Variants in MAN1C1 observed in about 807,000 individuals in gnomAD.
MAN1C1 encodes mannosyl-oligosaccharide 1,2-alpha-mannosidase IC.
Under a neutral mutation model 71.5 loss-of-function variants are expected in MAN1C1, and 49 were observed. The observed-to-expected ratio is 0.69, with a 90% confidence interval of 0.54 to 0.87. The LOEUF is 0.87. Ranked by LOEUF, MAN1C1 falls within the 40% of genes least tolerant of loss-of-function variation. MAN1C1 has a pLI of 0.00. For missense variants in MAN1C1, 743 were observed against 835.0 expected (o/e 0.89, Z 1.36); for synonymous variants, 352 against 343.7 (o/e 1.02, Z -0.27).
chr1:25,644,115 A>T (rs2045576440), intron 1 of MAN1C1, among the ~76,000 whole-genome samples: 1 of 152,132 alleles, frequency 6.6e-6, no homozygotes, highest in African/African-American at 2.4e-5. Context: ...CACCATGGAG[A>T]TGCTAGATAA....
rs560703749 is a variant in MAN1C1 at position 25,651,590 on chromosome 1, A to G, written c.540+33253A>G. On this transcript the variant is annotated intron_variant, in intron 1 of 11. Coordinates refer to ENST00000374332, the MANE Select transcript of MAN1C1 (RefSeq NM_020379.4). ...CCCAAGATGAAAATCCTTTTCTTAG[A>G]GGAAAATGCTGTCTGCAGGGAGAGA... 9.2e-5 allele frequency among the ~76,000 whole-genome samples: 14 copies of G among 152,286 alleles called. No homozygotes were observed. In the East Asian group the frequency reaches 2.7e-3, roughly 29 times the overall value.
chr1:25,632,435 A>G (rs190617301), intron 1 of MAN1C1, among the ~76,000 whole-genome samples: 1 of 152,088 alleles, frequency 6.6e-6, no homozygotes, highest in East Asian at 1.9e-4. Context: ...AATTTTGTTT[A>G]TCTTTTCAAA....
Position 25,746,858 on chromosome 1 carries a change from C to A in MAN1C1, c.753+75C>A. ...CCAACAGCCAGCTTCACCCTGTCAT[C>A]TCTGAGACCCAGAGATGTTGAGGGT... On this transcript the variant is annotated intron_variant, in intron 3 of 11. Coordinates refer to ENST00000374332, the MANE Select transcript of MAN1C1 (RefSeq NM_020379.4). The surrounding 1 kb of genome is among the most constrained non-coding windows in gnomAD (Gnocchi z 4.0). 2.0e-6 allele frequency: 2 copies of A among 991,036 alleles called. No individual in the cohort carries two copies. The highest frequency in any genetic ancestry group is 3.0e-6 in the Non-Finnish European group (2 of 657,726). 61.4% of individuals were successfully genotyped at this position (991,036 alleles called of 1,614,324 possible).
At chr1:25,670,802 G>T (rs1207695161) in intron 1 of MAN1C1, among the ~76,000 whole-genome samples, 2 of 152,200 alleles carry the variant, frequency 1.3e-5, no homozygotes, top group Non-Finnish European at 2.9e-5. Flanking sequence ...CTCTGAGGGT[G>T]GTTGGGTAAG....
At chr1:25,751,078 C>T (rs1235425523) in intron 4 of MAN1C1, among the ~76,000 whole-genome samples, 1 of 151,426 alleles carries the variant, frequency 6.6e-6, no homozygotes, top group Non-Finnish European at 1.5e-5. Flanking sequence ...TTCCCTCCCC[C>T]GTTTCCATCC....
intron 1 of MAN1C1, among the ~76,000 whole-genome samples, chr1:25,643,081 C>G (rs1328110260): frequency 6.6e-6 from 1 of 152,064 alleles, no homozygotes; most frequent in Admixed American, 6.6e-5. Flanking sequence ...TGAGACATTT[C>G]TGCATGGGTC....
At chr1:25,733,380 C>G (rs562297830) in intron 2 of MAN1C1, among the ~76,000 whole-genome samples, 5 of 152,140 alleles carry the variant, frequency 3.3e-5, no homozygotes, top group Non-Finnish European at 7.4e-5. Context: ...CCTCCACCCC[C>G]TCACTGCCCA....
At chr1:25,697,434 A>G (rs551754725) in intron 2 of MAN1C1, among the ~76,000 whole-genome samples, 27 of 152,228 alleles carry the variant, frequency 1.8e-4, no homozygotes, top group African/African-American at 6.3e-4. Flanking sequence ...CCCACATTTT[A>G]TTTGTCCATT....
chr1:25,625,283 G>A (rs2045277256), intron 1 of MAN1C1, among the ~76,000 whole-genome samples: 1 of 152,082 alleles, frequency 6.6e-6, no homozygotes, highest in Non-Finnish European at 1.5e-5. Flanking sequence ...GGGATTACAG[G>A]TGTGAGCCGC....
intron 2 of MAN1C1, among the ~76,000 whole-genome samples, chr1:25,704,466 G>A (rs1186800893): frequency 6.6e-6 from 1 of 152,238 alleles, no homozygotes; most frequent in Non-Finnish European, 1.5e-5. Flanking sequence ...AAGCAGTAGC[G>A]ACATCTGGGC....
intron 1 of MAN1C1, among the ~76,000 whole-genome samples, chr1:25,656,974 C>T (rs2045777604): frequency 1.3e-5 from 2 of 152,206 alleles, no homozygotes; most frequent in South Asian, 4.1e-4. Flanking sequence ...TACAGGCACC[C>T]GCCACCATGT....
At chr1:25,669,083 G>T (rs1318449089) in intron 1 of MAN1C1, among the ~76,000 whole-genome samples, 2 of 152,338 alleles carry the variant, frequency 1.3e-5, no homozygotes, top group African/African-American at 4.8e-5. Flanking sequence ...GGAATTTTGT[G>T]AAGATTTTGA....
chr1:25,628,305 T>G (rs1402121794), intron 1 of MAN1C1, among the ~76,000 whole-genome samples: 1 of 152,012 alleles, frequency 6.6e-6, no homozygotes, highest in Non-Finnish European at 1.5e-5. Context: ...AAAATTTCAT[T>G]TATTTTTATT....
rs186599734 is a variant in MAN1C1 at position 25,730,001 on chromosome 1, G to C, written c.638-16667G>C. Among the ~76,000 whole-genome samples, 3 of 152,274 alleles carry C rather than the reference G, an allele frequency of 2.0e-5. No individual in the cohort carries two copies. The highest frequency in any genetic ancestry group is 4.8e-5 in the African/African-American group (2 of 41,548). ...CTTCATAATCATTCATTTACTTGCT[G>C]TTTTGCTGGGAAATTGCTTACTGTC... On this transcript the variant is annotated intron_variant, in intron 2 of 11. Transcript: ENST00000374332. This position sits in a 1 kb window ranked among gnomAD's most constrained non-coding sequence, Gnocchi z 4.3.
At chr1:25,697,861 AGTT>A (rs751379246) in intron 2 of MAN1C1, among the ~76,000 whole-genome samples, 1 of 152,222 alleles carries the variant, frequency 6.6e-6, no homozygotes, top group African/African-American at 2.4e-5. Context: ...TGAGAATTCT[AGTT>A]GCCCCATTAT....
At chr1:25,620,362 A>T (rs1483606702) in intron 1 of MAN1C1, among the ~76,000 whole-genome samples, 1 of 152,088 alleles carries the variant, frequency 6.6e-6, no homozygotes, top group Non-Finnish European at 1.5e-5. Context: ...TGAAGAAGAG[A>T]GGGCTGGTTT....
At chr1:25,618,560 C>T (rs1335088825) in intron 1 of MAN1C1, among the ~76,000 whole-genome samples, 4 of 152,030 alleles carry the variant, frequency 2.6e-5, no homozygotes, top group Admixed American at 6.6e-5. Context: ...TCGTCCCCAC[C>T]GTGACAGATG....
chr1:25,714,853 C>T (rs2046659407), intron 2 of MAN1C1, among the ~76,000 whole-genome samples: 1 of 152,096 alleles, frequency 6.6e-6, no homozygotes, highest in African/African-American at 2.4e-5. Flanking sequence ...AGCACTACAC[C>T]TAAGATGACA....
At chr1:25,748,869 C>G (rs772158817) in intron 3 of MAN1C1, among the ~76,000 whole-genome samples, 1 of 152,172 alleles carries the variant, frequency 6.6e-6, no homozygotes. Flanking sequence ...TCCTGCTGAG[C>G]CTTGGGGTCT....
Sources: gnomAD v4.1 joint callset for allele counts (sites outside exome capture counted in the v4.1 genomes callset) on GRCh38, gnomAD v4.1.1 for gene constraint, Gnocchi (gnomAD v3.1) non-coding constraint, MANE v1.5 for transcripts, NCBI Gene and HGNC (gene_info 2026-07-23, HGNC 2026-07-21) for gene names.